Variants in DLG2 observed in about 807,000 individuals in gnomAD.
DLG2 encodes the protein disks large homolog 2.
A neutral mutation model predicts 132.5 loss-of-function variants in DLG2; 45 were observed. The observed-to-expected ratio is 0.34, with a 90% CI of 0.27 to 0.44. The LOEUF is 0.44. Among genes scored for constraint, DLG2 ranks in the 20% least tolerant of loss-of-function variants. DLG2 has a pLI of 1.00. For missense variants in DLG2, 1,045 were observed against 1,196.9 expected, an observed-to-expected ratio of 0.87 and a Z score of 1.87; for synonymous variants, 424 against 419.6, an observed-to-expected ratio of 1.01 and a Z score of -0.13.
intron 4 of DLG2, among the ~76,000 whole-genome samples, chr11:85,231,375 T>C (rs544443755): frequency 6.6e-6 from 1 of 152,156 alleles, no homozygotes; most frequent in South Asian, 2.1e-4. Context: ...AGTATTGTAC[T>C]TTTAAGATCT....
At chr11:83,573,286 G>A (rs867106835) in intron 19 of DLG2, among the ~76,000 whole-genome samples, 72 of 152,114 alleles carry the variant, frequency 4.7e-4, no homozygotes, top group South Asian at 4.2e-4. Flanking sequence ...GTCAGATTTC[G>A]GTCTTAGTCA....
At chr11:83,812,071 C>T (rs1433158169) in intron 17 of DLG2, among the ~76,000 whole-genome samples, 2 of 152,142 alleles carry the variant, frequency 1.3e-5, no homozygotes, top group African/African-American at 4.8e-5. Flanking sequence ...ACACCCTTTA[C>T]TAGTAGCTTT....
intron 6 of DLG2, among the ~76,000 whole-genome samples, chr11:84,895,934 T>A (rs2090127516): frequency 6.6e-6 from 1 of 152,144 alleles, no homozygotes; most frequent in African/African-American, 2.4e-5. Context: ...CTTAGCAGAC[T>A]TGCAGCAAAT....
intron 7 of DLG2, among the ~76,000 whole-genome samples, chr11:84,493,462 A>G (rs1430946): frequency 0.025 from 3,812 of 152,020 alleles, 72 homozygotes; most frequent in Non-Finnish European, 0.038. Context: ...ATCCTCTCCA[A>G]CCAGCCCCTG....
intron 7 of DLG2, among the ~76,000 whole-genome samples, chr11:84,478,925 C>T (rs2099129267): frequency 6.6e-6 from 1 of 151,972 alleles, no homozygotes; most frequent in Non-Finnish European, 1.5e-5. Context: ...GGCTTAGGTG[C>T]TTTGCCACAT....
chr11:83,582,186 C>T (rs1188216743), intron 19 of DLG2, among the ~76,000 whole-genome samples: 1 of 151,904 alleles, frequency 6.6e-6, no homozygotes, highest in Non-Finnish European at 1.5e-5. Context: ...AAACTCCCGA[C>T]CTCAGATGAT....
chr11:84,444,181 G>A (rs979115808), intron 7 of DLG2, among the ~76,000 whole-genome samples: 2 of 152,014 alleles, frequency 1.3e-5, no homozygotes, highest in Non-Finnish European at 2.9e-5. Context: ...TGGACACATG[G>A]TTGGGGCAGG....
intron 3 of DLG2, chr11:85,453,239 GT>G: frequency 2.7e-6 from 1 of 366,264 alleles, no homozygotes; most frequent in Non-Finnish European, 4.8e-6. Context: ...CTGGTCCAGT[GT>G]TAGTAAACAC....
intron 19 of DLG2, among the ~76,000 whole-genome samples, chr11:83,597,202 C>T (rs929175054): frequency 1.3e-5 from 2 of 152,156 alleles, no homozygotes; most frequent in African/African-American, 4.8e-5. Context: ...GCATGATCAA[C>T]ATGTCTCATG....
chr11:85,400,911 A>G (rs2088014478), intron 3 of DLG2, among the ~76,000 whole-genome samples: 1 of 151,358 alleles, frequency 6.6e-6, no homozygotes, highest in African/African-American at 2.4e-5. Context: ...GTGCACATGT[A>G]CCCTAAAACT....
At chr11:85,613,573 A>G (rs1455601372) in intron 2 of DLG2, among the ~76,000 whole-genome samples, 1 of 152,154 alleles carries the variant, frequency 6.6e-6, no homozygotes, top group Non-Finnish European at 1.5e-5. Context: ...GTCTAGCTAA[A>G]GGATTGTAAA....
chr11:85,370,759 T>A (rs1023687767), intron 3 of DLG2, among the ~76,000 whole-genome samples: 10 of 152,194 alleles, frequency 6.6e-5, no homozygotes, highest in African/African-American at 2.4e-4. Flanking sequence ...AGAGGGCCCC[T>A]GACGTGTCCA....
At chr11:85,062,811 A>G (rs1566765939) in intron 6 of DLG2, among the ~76,000 whole-genome samples, 2 of 151,738 alleles carry the variant, frequency 1.3e-5, no homozygotes, top group African/African-American at 2.4e-5. Flanking sequence ...CCAGAAGACT[A>G]AAAGAGAGTT....
chr11:84,717,226 C>T lies in DLG2; in HGVS notation c.358-182495G>A, dbSNP rs117088044. 5.8e-3 allele frequency among the ~76,000 whole-genome samples: 888 copies of T among 152,090 alleles called. 4 individuals carry two copies. The highest frequency in any genetic ancestry group is 0.01 in the Non-Finnish European group (683 of 67,910). ...TTCAGGAAAGGAAATAAATATTCATCCTAATAATCTTATTTTCACACTTAG... is the reference window on the plus strand; with the variant it reads ...TTCAGGAAAGGAAATAAATATTCATTCTAATAATCTTATTTTCACACTTAG... On this transcript the variant is annotated intron_variant, in intron 6 of 27. Transcript: ENST00000376104.
chr11:84,452,272 G>C (rs1212740854), intron 7 of DLG2, among the ~76,000 whole-genome samples: 1 of 151,762 alleles, frequency 6.6e-6, no homozygotes, highest in Non-Finnish European at 1.5e-5. Flanking sequence ...GAGGAAAATG[G>C]TACAAAATAA....
At chr11:84,546,445 T>C (rs1345681249) in intron 6 of DLG2, 1 of 219,804 alleles carries the variant, frequency 4.5e-6, no homozygotes, top group East Asian at 1.1e-4. Context: ...AAACCTCTTT[T>C]CCTCTTTTCC....
At chr11:84,188,575 C>G (rs1363262930) in intron 8 of DLG2, among the ~76,000 whole-genome samples, 1 of 152,014 alleles carries the variant, frequency 6.6e-6, no homozygotes, top group African/African-American at 2.4e-5. Flanking sequence ...GTGAATTTTC[C>G]CAAGATTGCA....
At chr11:84,252,031 C>A (rs1411939053) in intron 7 of DLG2, among the ~76,000 whole-genome samples, 2 of 151,740 alleles carry the variant, frequency 1.3e-5, no homozygotes, top group African/African-American at 4.8e-5. Context: ...CATAGTTATT[C>A]TCTTCAAACT....
chr11:85,408,488 T>C (rs2152975991), intron 3 of DLG2, among the ~76,000 whole-genome samples: 1 of 151,360 alleles, frequency 6.6e-6, no homozygotes, highest in East Asian at 2.0e-4. Context: ...GCTGGTGCAC[T>C]GCACCCACTA....
Sources: gnomAD v4.1 joint callset for allele counts (sites outside exome capture counted in the v4.1 genomes callset) on GRCh38, gnomAD v4.1.1 for gene constraint, MANE v1.5 for transcripts, NCBI Gene and HGNC (gene_info 2026-07-23, HGNC 2026-07-21) for gene names.